The following GPR137 variants were observed in gnomAD, a reference collection of about 807,000 sequenced individuals.
GPR137 encodes G protein-coupled receptor 137, also known as integral membrane protein GPR137.
In GPR137, 20 loss-of-function variants were observed where a neutral mutation model predicts 38.9. That is an observed-to-expected ratio of 0.51 (90% CI 0.36 to 0.75). GPR137 has a LOEUF of 0.75. GPR137 is among the 30% of genes least tolerant of loss of function. The probability of loss-of-function intolerance (pLI) is 0.00; values close to 1 mark genes in which losing one functional copy is unlikely to be tolerated. For synonymous variants in GPR137, 226 were observed against 235.8 expected, an observed-to-expected ratio of 0.96 and a Z score of 0.38; for missense variants, 456 against 526.4, an observed-to-expected ratio of 0.87 and a Z score of 1.31.
At position 64,288,698 on chromosome 11, in the gene GPR137, G is replaced by A; in HGVS notation, c.1008G>A (p.Glu336=). ...GHCEDEGCSW[E]HSRGESTSMS... is the part of the protein sequence containing the mutation. ...GTGAAGATGAGGGCTGCTCCTGGGA[G>A]CACAGCCGGGGTGAGAGCACCAGGT... Residue 336 remains glutamate (E), a synonymous_variant, in exon 6 of 7, where the codon GAG becomes GAA. Transcript: ENST00000438980. The surrounding 1 kb of genome is among the most constrained non-coding windows in gnomAD (Gnocchi z 5.5). 1.3e-6 allele frequency: 2 copies of A among 1,574,118 alleles called. No individual in the cohort carries two copies. Among genetic ancestry groups the A allele is most frequent in the East Asian group, 2.3e-5 (1 of 42,818 alleles).
At position 64,286,693 on chromosome 11, in the gene GPR137, A is replaced by G; in HGVS notation, c.169A>G (p.Ser57Gly). The change falls in exon 1 of 7, where the codon AGC becomes GGC. Residue 57 changes from serine (S) to glycine (G), a missense_variant. Transcript: ENST00000438980. Reference sequence around the variant, plus strand: ...GCTTCTGTATGGGCACAAGCGTCTCAGCTATCAGACGGTGTTCCTGGCCCT... The same window carrying G: ...GCTTCTGTATGGGCACAAGCGTCTCGGCTATCAGACGGTGTTCCTGGCCCT... ...LVLLYGHKRL[S>G]YQTVFLALCL... is the part of the protein sequence containing the mutation. The G allele has an allele frequency of 1.2e-6, 2 of 1,613,786 alleles. No homozygotes were observed. The highest frequency in any genetic ancestry group is 1.7e-6 in the Non-Finnish European group (2 of 1,179,812).
At chr11:64,271,445 C>T (rs893474793), upstream of GPR137, among the ~76,000 whole-genome samples, 1 of 151,856 alleles carries the variant, frequency 6.6e-6, no homozygotes, top group Non-Finnish European at 1.5e-5. Context: ...GCGGGGAAGT[C>T]TTGTGACTAC....
Position 64,288,387 on chromosome 11 carries a change from C to T in GPR137, c.831C>T (p.Gly277=), listed in dbSNP as rs764275394. Residue 277 remains glycine (G), a synonymous_variant, in exon 5 of 7, where the codon GGC becomes GGT. Coordinates refer to ENST00000438980, the MANE Select transcript of GPR137 (RefSeq NM_001170880.2). This position sits in a 1 kb window ranked among gnomAD's most constrained non-coding sequence, Gnocchi z 5.5. ...GGAACAAAGGCTACCTGGTATTTGG[C>T]CTCATCCTCTTCGTGTGGGAGCTAC... ...DLGNKGYLVF[G]LILFVWELLP... 3.1e-6 allele frequency: 5 copies of T among 1,613,788 alleles called. No individual in the cohort carries two copies. The highest frequency in any genetic ancestry group is 4.2e-6 in the Non-Finnish European group (5 of 1,180,024).
chr11:64,285,133 T>G, upstream of GPR137: 1 of 1,005,336 alleles, frequency 9.9e-7, no homozygotes, highest in Non-Finnish European at 1.2e-6. Flanking sequence ...TTGCTATTGT[T>G]ACCGCTCCGC....
At chr11:64,272,041 A>G (rs1157548038), upstream of GPR137, among the ~76,000 whole-genome samples, 1 of 152,242 alleles carries the variant, frequency 6.6e-6, no homozygotes, top group African/African-American at 2.4e-5. Flanking sequence ...CCGAGTGCCA[A>G]TAATGGGTGA....
chr11:64,271,820 G>C, upstream of GPR137: 1 of 1,378,734 alleles, frequency 7.3e-7, no homozygotes. Flanking sequence ...AGGGTCAGTG[G>C]GTAGGGGGGC....
upstream of GPR137, chr11:64,284,831 G>T (rs2033769809): frequency 2.6e-6 from 4 of 1,515,030 alleles, no homozygotes; most frequent in Non-Finnish European, 3.5e-6. Context: ...CTCCTCGTCC[G>T]CATCCTTTTT....
chr11:64,272,856 C>T (rs2032741248), upstream of GPR137: 1 of 152,242 alleles, frequency 6.6e-6, no homozygotes, highest in Non-Finnish European at 1.5e-5. Flanking sequence ...AGCCTGTGTC[C>T]TCACCTTTAT....
At chr11:64,270,685 T>A (rs1017262249) in intron 1 of GPR137, 1 of 536,878 alleles carries the variant, frequency 1.9e-6, no homozygotes, top group African/African-American at 1.9e-5. Context: ...ATCCCAGCAC[T>A]TTGGGAGGTT....
In GPR137 at chr11:64,286,555, G is replaced by A; in HGVS notation, c.31G>A (p.Ala11Thr). ...GAGTAACCTGTCTGGCCTGGTGCCT[G>A]CTGCCGGGCTGGTGCCTGCGCTGCC... The part of the protein sequence containing the change: MESNLSGLVP[A>T]AGLVPALPPA... The change falls in exon 1 of 7, where the codon GCT becomes ACT. Residue 11 changes from alanine (A) to threonine (T), a missense_variant. Transcript: ENST00000438980. 6.2e-7 allele frequency: 1 copy of A among 1,612,894 alleles called. No homozygotes were observed. Among genetic ancestry groups the A allele is most frequent in the Non-Finnish European group, 8.5e-7 (1 of 1,179,288 alleles).
upstream of GPR137, chr11:64,272,744 C>T (rs559937169): frequency 2.0e-5 from 3 of 152,388 alleles, no homozygotes; most frequent in Admixed American, 6.5e-5. Flanking sequence ...CTGTGGAGGC[C>T]TGAGGCTGGA....
upstream of GPR137, among the ~76,000 whole-genome samples, chr11:64,283,599 G>T (rs115085280): frequency 0.085 from 12,919 of 152,286 alleles, 1,563 homozygotes; most frequent in African/African-American, 0.26. Flanking sequence ...GGGCAAGAAA[G>T]AACACATCTG....
upstream of GPR137, among the ~76,000 whole-genome samples, chr11:64,274,046 C>G (rs1005435296): frequency 1.3e-5 from 2 of 152,128 alleles, no homozygotes; most frequent in Non-Finnish European, 2.9e-5. Flanking sequence ...TGGGCCAGTG[C>G]AGGGCCTCCA....
chr11:64,282,022 C>T (rs1006673480), upstream of GPR137, among the ~76,000 whole-genome samples: 7 of 152,124 alleles, frequency 4.6e-5, no homozygotes, highest in South Asian at 2.1e-4. Flanking sequence ...CCCGGCCTCT[C>T]TTAACTCTTT....
upstream of GPR137, among the ~76,000 whole-genome samples, chr11:64,279,921 T>C (rs930994837): frequency 2.6e-5 from 4 of 151,976 alleles, no homozygotes; most frequent in Non-Finnish European, 5.9e-5. Flanking sequence ...CTGTGGCTCA[T>C]GCCTGTAATC....
upstream of GPR137, chr11:64,284,170 TG>T: frequency 6.4e-7 from 1 of 1,567,708 alleles, no homozygotes. Context: ...GTGGAGGTGG[TG>T]GGGTACTTAC....
upstream of GPR137, chr11:64,284,764 G>C (rs1226522163): frequency 6.5e-7 from 1 of 1,535,352 alleles, no homozygotes; most frequent in Non-Finnish European, 8.7e-7. Context: ...CGTCACTCGG[G>C]TAGGTCCAGA....
In GPR137 at chr11:64,286,411, G is replaced by A; in HGVS notation, c.-114G>A. ...TCAGCCACAACTTCTTTCCTCCTGAGCGCCCCATCTCCCTCTCTGCACCCT... is the reference window on the plus strand; with the variant it reads ...TCAGCCACAACTTCTTTCCTCCTGAACGCCCCATCTCCCTCTCTGCACCCT... On this transcript the variant is annotated 5_prime_UTR_variant, in exon 1 of 7. Coordinates refer to ENST00000438980, the MANE Select transcript of GPR137 (RefSeq NM_001170880.2). The A allele has an allele frequency of 6.8e-7, 1 of 1,462,462 alleles. No homozygotes were observed. Among genetic ancestry groups the A allele is most frequent in the Non-Finnish European group, 9.0e-7 (1 of 1,112,260 alleles). The allele number at this position is 1,462,462 out of a possible 1,614,324, so 90.6% of individuals were successfully genotyped here.
upstream of GPR137, chr11:64,284,823 C>G: frequency 1.3e-6 from 2 of 1,524,612 alleles, no homozygotes; most frequent in Non-Finnish European, 1.8e-6. Context: ...ATCCAAGGCT[C>G]CTCGTCCGCA....
Sources: gnomAD v4.1 joint callset for allele counts (sites outside exome capture counted in the v4.1 genomes callset) on GRCh38, gnomAD v4.1.1 for gene constraint, Gnocchi (gnomAD v3.1) non-coding constraint, MANE v1.5 for transcripts, NCBI Gene and HGNC (gene_info 2026-07-23, HGNC 2026-07-21) for gene names.